Variants in DNAH3 observed in about 807,000 individuals in gnomAD.
DNAH3 encodes the protein dynein axonemal heavy chain 3, also known as axonemal beta dynein heavy chain 3.
Under a neutral mutation model 432.5 loss-of-function variants are expected in DNAH3, and 332 were observed. The observed-to-expected ratio is 0.77, with a 90% CI of 0.70 to 0.84. The LOEUF (loss-of-function observed/expected upper bound fraction) is 0.84, where lower values mean the gene tolerates loss of function less well. Among genes scored for constraint, DNAH3 ranks in the 40% least tolerant of loss-of-function variants. The pLI is 0.00. For missense variants in DNAH3, 4,861 were observed against 5,114.0 expected (o/e 0.95, Z 1.51); for synonymous variants, 1,956 against 1,900.2 (o/e 1.03, Z -0.76).
At chr16:21,152,605 G>A (rs2152837134) in intron 1 of DNAH3, among the ~76,000 whole-genome samples, 1 of 152,364 alleles carries the variant, frequency 6.6e-6, no homozygotes, top group East Asian at 1.9e-4. Context: ...AGGGAGAGGC[G>A]CGAGCGGGAA....
intron 7 of DNAH3, among the ~76,000 whole-genome samples, chr16:21,128,762 G>A (rs1456286568): frequency 6.6e-6 from 1 of 151,282 alleles, no homozygotes; most frequent in Non-Finnish European, 1.5e-5. Context: ...AGGAGGCTGA[G>A]GCAGGAAGAT....
At chr16:20,958,672 C>A (rs1322325073) in intron 54 of DNAH3, among the ~76,000 whole-genome samples, 5 of 152,192 alleles carry the variant, frequency 3.3e-5, no homozygotes, top group Admixed American at 2.0e-4. Context: ...CCCATCCCTT[C>A]TCTGTATTCC....
chr16:21,078,810 C>G lies in DNAH3; in HGVS notation c.2969+2826G>C, dbSNP rs533487820. ...AAAATGTGCTGGAGAAGCTCATTAA[C>G]TATGGGCTGTGATGAAGCTGCATTA... On this transcript the variant is annotated intron_variant, in intron 20 of 61. Coordinates refer to ENST00000261383, the Ensembl canonical transcript of DNAH3. Among the ~76,000 whole-genome samples the G allele has an allele frequency of 2.6e-5, 4 of 152,334 alleles. No individual in the cohort carries two copies. In the South Asian group the frequency reaches 8.3e-4, roughly 32 times the overall value.
At chr16:21,074,345 C>A (rs902978) in intron 21 of DNAH3, among the ~76,000 whole-genome samples, 33,279 of 152,032 alleles carry the variant, frequency 0.22, 3,859 homozygotes, top group East Asian at 0.46. Context: ...GGGGAGGAGC[C>A]AGGAAGAATC....
At chr16:21,061,953 A>G (rs547670528) in intron 25 of DNAH3, among the ~76,000 whole-genome samples, 26 of 152,336 alleles carry the variant, frequency 1.7e-4, no homozygotes, top group Middle Eastern at 3.4e-3. Context: ...AAAACAGTCA[A>G]CAAAGCAAGG....
At chr16:21,145,265 T>G in exon 3 of DNAH3, 4 of 1,613,998 alleles carry the variant, frequency 2.5e-6, no homozygotes, top group Non-Finnish European at 3.4e-6. Flanking sequence ...TCTTTCAGCT[T>G]CAGGTCCTGG....
At chr16:21,067,288 G>A (rs755932936) in exon 24 of DNAH3, 2 of 1,613,982 alleles carry the variant, frequency 1.2e-6, no homozygotes, top group Non-Finnish European at 1.7e-6. Flanking sequence ...GATACCTGGG[G>A]AAGAATAGTC....
intron 44 of DNAH3, among the ~76,000 whole-genome samples, chr16:20,988,993 C>A (rs561879634): frequency 1.3e-5 from 2 of 152,154 alleles, no homozygotes; most frequent in Non-Finnish European, 2.9e-5. Context: ...TGCAGACTTT[C>A]GCGGGGAGTG....
At chr16:21,066,857 T>G (rs1327568064) in intron 24 of DNAH3, among the ~76,000 whole-genome samples, 2 of 152,230 alleles carry the variant, frequency 1.3e-5, no homozygotes, top group Non-Finnish European at 2.9e-5. Context: ...TTCATTAATG[T>G]GTACAACAAA....
intron 52 of DNAH3, among the ~76,000 whole-genome samples, chr16:20,967,335 T>C (rs1446917134): frequency 8.6e-5 from 13 of 152,014 alleles, no homozygotes; most frequent in Admixed American, 8.5e-4. Context: ...TCATCAGTGA[T>C]CCAAGATGAG....
chr16:21,000,751 T>C (rs932601937), intron 42 of DNAH3, among the ~76,000 whole-genome samples: 3 of 152,182 alleles, frequency 2.0e-5, no homozygotes, highest in Non-Finnish European at 2.9e-5. Context: ...GCATGTAAAG[T>C]TGGGCATTAC....
At chr16:21,077,374 G>A (rs575606721) in intron 20 of DNAH3, among the ~76,000 whole-genome samples, 16 of 152,170 alleles carry the variant, frequency 1.1e-4, no homozygotes, top group African/African-American at 3.4e-4. Flanking sequence ...TATTGGCCAC[G>A]CTGGTCTTGA....
intron 19 of DNAH3, among the ~76,000 whole-genome samples, chr16:21,085,341 C>T (rs1489364205): frequency 6.6e-6 from 1 of 151,756 alleles, no homozygotes; most frequent in Admixed American, 6.6e-5. Flanking sequence ...GTCAGGAGTT[C>T]AAGACCAGCC....
At chr16:21,076,009 C>A (rs2090962466) in intron 20 of DNAH3, among the ~76,000 whole-genome samples, 1 of 150,866 alleles carries the variant, frequency 6.6e-6, no homozygotes, top group Admixed American at 6.6e-5. Context: ...GGTTTACTAT[C>A]CTGCTCTAAG....
intron 13 of DNAH3, 63 bp from the exon 14 acceptor site, chr16:21,111,867 C>G (rs62034958): frequency 1.9e-6 from 3 of 1,588,442 alleles, no homozygotes; most frequent in Non-Finnish European, 2.6e-6. Context: ...TTGCCCCCAG[C>G]CTAACCCCTG....
intron 1 of DNAH3, among the ~76,000 whole-genome samples, chr16:21,152,531 T>C (rs553122857): frequency 9.2e-5 from 14 of 152,374 alleles, no homozygotes; most frequent in East Asian, 3.9e-4. Context: ...CGCTGCACTG[T>C]GAGAGCTCCT....
intron 15 of DNAH3, among the ~76,000 whole-genome samples, chr16:21,105,426 A>G (rs141404490): frequency 2.0e-5 from 3 of 152,228 alleles, no homozygotes; most frequent in Non-Finnish European, 2.9e-5. Context: ...ACACAGGAGC[A>G]TGAAGAAAAG....
At chr16:21,101,006 C>T (rs2091823998) in intron 16 of DNAH3, among the ~76,000 whole-genome samples, 1 of 152,170 alleles carries the variant, frequency 6.6e-6, no homozygotes, top group South Asian at 2.1e-4. Flanking sequence ...ACAACACACA[C>T]ACATACAAAC....
At chr16:21,084,696 CTCCTGGCCTCAAGT>C (rs796738204) in intron 19 of DNAH3, among the ~76,000 whole-genome samples, 107 of 152,222 alleles carry the variant, frequency 7.0e-4, no homozygotes, top group Middle Eastern at 3.4e-3. Context: ...TGGCCTCAAG[CTCCTGGCCTCAAGT>C]GATCCTCCTG....
Sources: allele counts gnomAD v4.1 joint callset (sites outside exome capture counted in the v4.1 genomes callset), GRCh38; gene constraint gnomAD v4.1.1; transcripts MANE v1.5; gene names NCBI Gene and HGNC (gene_info 2026-07-23, HGNC 2026-07-21).